Variants in CC2D1B observed in about 807,000 individuals in gnomAD.
CC2D1B encodes coiled-coil and C2 domain containing 1B.
Under a neutral mutation model 110.8 loss-of-function variants are expected in CC2D1B, and 92 were observed. That is an observed-to-expected ratio of 0.83 (90% CI 0.70 to 0.99). CC2D1B has a LOEUF of 0.99. CC2D1B is among the 50% of genes least tolerant of loss of function. The pLI, the probability that CC2D1B is intolerant of heterozygous loss-of-function variation, is 0.00. For missense variants in CC2D1B, 1,136 were observed against 1,089.0 expected (o/e 1.04, Z -0.61); for synonymous variants, 406 against 429.2 (o/e 0.95, Z 0.67).
At chr1:52,356,955 G>C (rs1254759606) in intron 16 of CC2D1B, 46 bp downstream of exon 16, 38 of 1,527,080 alleles carry the variant, frequency 2.5e-5, no homozygotes, top group Non-Finnish European at 3.3e-5. Flanking sequence ...CCTCCACGGG[G>C]AGGCTGTGGG....
rs1646652884 is a variant in CC2D1B, at chr1:52,356,392, C to G, written c.1929G>C (p.Glu643Asp). 1 of 1,614,112 alleles carries G rather than the reference C, an allele frequency of 6.2e-7. No individual in the cohort carries two copies. Among genetic ancestry groups the G allele is most frequent in the Admixed American group, 1.7e-5 (1 of 60,012 alleles). The change falls in exon 17 of 25, where the codon GAG becomes GAC. Residue 643 changes from glutamate to aspartate, a missense_variant. Glu to Asp is a conservative substitution (Grantham distance 45, BLOSUM62 2). Transcript: ENST00000284376. ...CCAGCCCTTGCACTTACCGGGTGGT[C>G]TCAGCCACGTTGCCCTGGTGCATGA... ...KQFMHQGNVA[E>D]TTRFEKLAQD... is the part of the protein sequence containing the mutation.
chr1:52,358,799 C>T (rs371081523), intron 11 of CC2D1B, 41 bp from the exon 12 acceptor site: 2 of 1,558,414 alleles, frequency 1.3e-6, no homozygotes, highest in Admixed American at 2.1e-5. Flanking sequence ...TCGGCAGCAG[C>T]CCACAGGCCC....
chr1:52,360,826 C>CT (rs1160868852), intron 5 of CC2D1B, 148 bp downstream of exon 5: 1 of 1,074,262 alleles, frequency 9.3e-7, no homozygotes, highest in Admixed American at 2.3e-5. Flanking sequence ...GGAGGAGTTT[C>CT]TTGTGCTCAG....
At chr1:52,359,589 G>A in intron 8 of CC2D1B, 55 bp from the exon 9 acceptor site, 5 of 1,591,848 alleles carry the variant, frequency 3.1e-6, no homozygotes, top group Admixed American at 3.5e-5. Flanking sequence ...CCAAGAGCCT[G>A]GGCTGAAACA....
intron 2 of CC2D1B, 30 bp downstream of exon 2, chr1:52,364,522 C>G: frequency 6.5e-7 from 1 of 1,534,084 alleles, no homozygotes; most frequent in Non-Finnish European, 8.9e-7. Context: ...CCCAAACCGA[C>G]CCAGTAGCCT....
At chr1:52,355,173 C>T (rs922511529) in intron 21 of CC2D1B, among the ~76,000 whole-genome samples, 1 of 152,188 alleles carries the variant, frequency 6.6e-6, no homozygotes, top group African/African-American at 2.4e-5. Context: ...ATACAGAATT[C>T]CTGTGTTCAT....
At chr1:52,360,656 AAAG>A in intron 5 of CC2D1B, 107 bp from the exon 6 acceptor site, 4 of 1,474,022 alleles carry the variant, frequency 2.7e-6, no homozygotes, top group Non-Finnish European at 3.7e-6. Flanking sequence ...ACTCCAGGAG[AAAG>A]AAGAGCCTAA....
At chr1:52,355,739 G>C (rs1187029172) in intron 19 of CC2D1B, 32 bp downstream of exon 19, 1 of 1,613,630 alleles carries the variant, frequency 6.2e-7, no homozygotes, top group South Asian at 1.1e-5. Context: ...CCGGGCAAGA[G>C]CCTCCTGGAG....
chr1:52,360,756 G>A, intron 5 of CC2D1B: 1 of 912,010 alleles, frequency 1.1e-6, no homozygotes, highest in Non-Finnish European at 1.6e-6. Flanking sequence ...GTGGAAGCCA[G>A]GATATGGCTC....
At chr1:52,355,690 A>T in intron 19 of CC2D1B, 24 bp from the exon 20 acceptor site, 1 of 1,614,122 alleles carries the variant, frequency 6.2e-7, no homozygotes, top group Admixed American at 1.7e-5. Flanking sequence ...AAGGGAGTCA[A>T]GTCAGAGGGA....
chr1:52,358,729 T>A lies in CC2D1B; in HGVS notation c.1287A>T (p.Arg429=), dbSNP rs1488393567. Residue 429 remains arginine (R), a synonymous_variant, in exon 12 of 25, where the codon CGA becomes CGT. Coordinates refer to ENST00000284376, the MANE Select transcript of CC2D1B (RefSeq NM_001330585.2). ...CAGCAAAGTTGACTTTCCGTCCTGC[T>A]CGGTGTGCTCGAATAGCATCTTGAT... The part of the protein sequence containing the change: ...KQYQDAIRAH[R]AGRKVNFAEL... 1 of 1,612,490 alleles carries A rather than the reference T, an allele frequency of 6.2e-7. No individual in the cohort carries two copies. The highest frequency in any genetic ancestry group is 2.2e-5 in the East Asian group (1 of 44,858).
chr1:52,355,108 T>C (rs551107083), intron 21 of CC2D1B, 169 bp from the exon 22 acceptor site: 1 of 642,124 alleles, frequency 1.6e-6, no homozygotes, highest in Non-Finnish European at 2.8e-6. Flanking sequence ...GAAGTGAGTT[T>C]TTGTACTCTT....
intron 22 of CC2D1B, 56 bp from the exon 23 acceptor site, chr1:52,354,754 C>T: frequency 6.2e-7 from 1 of 1,603,780 alleles, no homozygotes; most frequent in South Asian, 1.1e-5. Flanking sequence ...CAGGAATGTG[C>T]TGGCTGAGCC....
Position 52,353,236 on chromosome 1 carries a change from G to A in CC2D1B, c.*2-13C>T. The A allele has an allele frequency of 7.2e-7, 1 of 1,381,256 alleles. No homozygotes were observed. Among genetic ancestry groups the A allele is most frequent in the Non-Finnish European group, 9.6e-7 (1 of 1,040,200 alleles). 85.6% of individuals were successfully genotyped at this position (1,381,256 alleles called of 1,614,324 possible). A position where few individuals can be genotyped will look rare whatever the true frequency, so the allele number is the denominator to read the frequency against. ...TGCTGGCCATCGGCTACACAGGGGT[G>A]CAAAGCACAAGAAGTCAGTCTAAAC... On this transcript the variant is annotated splice_polypyrimidine_tract_variant and intron_variant, in intron 24 of 24. Transcript: ENST00000284376.
In CC2D1B at chr1:52,359,800, G is replaced by A; in HGVS notation, c.847C>T (p.Leu283=). The A allele has an allele frequency of 6.2e-7, 1 of 1,611,422 alleles. No individual in the cohort carries two copies. The highest frequency in any genetic ancestry group is 8.5e-7 in the Non-Finnish European group (1 of 1,178,886). The change falls in exon 8 of 25, where the codon CTG becomes TTG. Residue 283 remains leucine (L), a synonymous_variant. Transcript: ENST00000284376. ...SDLDPDPRAL[L]SSRQREYKVA... ...TTGTACTCTCTCTGTCGGGATGACAGCAGGGCCCGCGGGTCTGGGTCTAAG... is the reference window on the plus strand; with the variant it reads ...TTGTACTCTCTCTGTCGGGATGACAACAGGGCCCGCGGGTCTGGGTCTAAG...
In CC2D1B at chr1:52,353,593, G is replaced by A. The variant is rs753616552; in HGVS notation, c.2485C>T (p.Arg829Trp). Residue 829 changes from arginine (R) to tryptophan (W), a missense_variant, in exon 24 of 25, where the codon CGG (arginine) becomes TGG (tryptophan). Arg to Trp is a moderately radical substitution (Grantham distance 101). Transcript: ENST00000284376. ...GGKLEVKVRL[R>W]EPLSGQDVQM... ...ACATCCTGGCCACTCAGAGGCTCCC[G>A]CAGCCTCACCTTCACCTCCAGCTTC... 9.9e-6 allele frequency: 16 copies of A among 1,613,132 alleles called. No homozygotes were observed. Among genetic ancestry groups the A allele is most frequent in the Admixed American group, 3.3e-5 (2 of 59,870 alleles).
intron 16 of CC2D1B, 151 bp from the exon 17 acceptor site, chr1:52,356,593 CCCA>C (rs1198074593): frequency 9.3e-6 from 7 of 750,746 alleles, no homozygotes; most frequent in Admixed American, 5.1e-5. Context: ...ACTCCCAAGT[CCCA>C]CCACGTTTCT....
Position 52,364,681 on chromosome 1 carries a change from C to T in CC2D1B, c.-14-47G>A, listed in dbSNP as rs76365061. On this transcript the variant is annotated intron_variant, in intron 1 of 24. Transcript: ENST00000284376. ...TCAGGCTGGAGTAGCCCATAAGCCA[C>T]GCCCCCAACAGTGCTACCCGTGGTA... is the stretch of plus-strand genomic sequence containing the variant. 1,063 of 1,323,648 alleles carry T rather than the reference C, an allele frequency of 8.0e-4. 9 individuals carry two copies. The African/African-American group carries it at 0.014, about 17-fold the overall frequency. 82.0% of individuals were successfully genotyped at this position (1,323,648 alleles called of 1,614,324 possible).
chr1:52,365,803 C>T (rs1195390073), intron 1 of CC2D1B, among the ~76,000 whole-genome samples: 2 of 152,148 alleles, frequency 1.3e-5, no homozygotes, highest in Non-Finnish European at 2.9e-5. Context: ...GGCGGAGGAG[C>T]TGGCGGGCGC....
Sources: gnomAD v4.1 joint callset for allele counts (sites outside exome capture counted in the v4.1 genomes callset) on GRCh38, gnomAD v4.1.1 for gene constraint, MANE v1.5 for transcripts, NCBI Gene and HGNC (gene_info 2026-07-23, HGNC 2026-07-21) for gene names.